CTNND2: variants seen among roughly 807,000 people sequenced by gnomAD.
CTNND2 encodes the protein catenin delta 2.
Under a neutral mutation model 144.4 loss-of-function variants are expected in CTNND2, and 22 were observed. That is an observed-to-expected ratio of 0.15 (90% CI 0.11 to 0.22). The LOEUF (loss-of-function observed/expected upper bound fraction) is 0.22, where lower values mean the gene tolerates loss of function less well. Ranked by LOEUF, CTNND2 falls within the 10% of genes least tolerant of loss-of-function variation. CTNND2 has a pLI of 1.00. For synonymous variants in CTNND2, 751 were observed against 695.6 expected (o/e 1.08, Z -1.25); for missense variants, 1,353 against 1,618.8 (o/e 0.84, Z 2.82).
rs370552506 is a variant in CTNND2 at position 11,693,020 on chromosome 5, C to G, written c.174+39116G>C. Among the ~76,000 whole-genome samples, 63 of 152,334 alleles carry G rather than the reference C, an allele frequency of 4.1e-4. 1 individual carries two copies. The Middle Eastern group carries it at 0.01, about 25-fold the overall frequency. On this transcript the variant is annotated intron_variant, in intron 2 of 21. Transcript: ENST00000304623. ...ATTTCTTCAAAGTTTAGTCCTAAAA[C>G]ACATCTGGGTTGTCAATTTTCATAT... is the stretch of plus-strand genomic sequence containing the variant.
intron 1 of CTNND2, among the ~76,000 whole-genome samples, chr5:11,790,701 A>G (rs530748475): frequency 1.3e-5 from 2 of 152,334 alleles, no homozygotes; most frequent in East Asian, 1.9e-4. Flanking sequence ...TATCACTCAT[A>G]AAAGAAATGT....
At chr5:11,219,888 A>T (rs1405742339) in intron 10 of CTNND2, among the ~76,000 whole-genome samples, 1 of 152,144 alleles carries the variant, frequency 6.6e-6, no homozygotes, top group Non-Finnish European at 1.5e-5. Flanking sequence ...CAATTTCAGT[A>T]TCTCTTAGAA....
chr5:11,812,243 C>T (rs768296351), intron 1 of CTNND2, among the ~76,000 whole-genome samples: 2 of 152,144 alleles, frequency 1.3e-5, no homozygotes, highest in Non-Finnish European at 2.9e-5. Context: ...AGAGGTACTG[C>T]TTTTTCTTGC....
chr5:11,879,112 G>A (rs1735780829), intron 1 of CTNND2, among the ~76,000 whole-genome samples: 1 of 151,886 alleles, frequency 6.6e-6, no homozygotes, highest in Admixed American at 6.6e-5. Flanking sequence ...TGGCACCGCA[G>A]AACATGATTG....
At chr5:11,431,755 T>C (rs1053856710) in intron 3 of CTNND2, among the ~76,000 whole-genome samples, 9 of 151,700 alleles carry the variant, frequency 5.9e-5, no homozygotes, top group African/African-American at 2.2e-4. Flanking sequence ...CCATATGGAG[T>C]AAAAGAACCA....
intron 9 of CTNND2, among the ~76,000 whole-genome samples, chr5:11,296,872 T>C (rs1749079037): frequency 1.3e-5 from 2 of 152,134 alleles, no homozygotes; most frequent in Non-Finnish European, 2.9e-5. Flanking sequence ...TTAGGAGATA[T>C]ACCTAATGTT....
In CTNND2 at chr5:11,737,227, G is replaced by A. The variant is rs116347689; in HGVS notation, c.38-4955C>T. Among the ~76,000 whole-genome samples the A allele has an allele frequency of 2.2e-3, 340 of 152,214 alleles. 1 individual carries two copies. Among genetic ancestry groups the A allele is most frequent in the Non-Finnish European group, 3.8e-3 (257 of 68,020 alleles). On this transcript the variant is annotated intron_variant, in intron 1 of 21. Transcript: ENST00000304623. ...TACCTCACCACAATGTTAACCACACGGATCTCCATTATCCTCTCAGGCTTT... is the reference window on the plus strand; with the variant it reads ...TACCTCACCACAATGTTAACCACACAGATCTCCATTATCCTCTCAGGCTTT...
intron 9 of CTNND2, among the ~76,000 whole-genome samples, chr5:11,248,280 T>C (rs1743209218): frequency 1.3e-5 from 2 of 152,020 alleles, no homozygotes; most frequent in Admixed American, 1.3e-4. Flanking sequence ...CAGGATTAGA[T>C]TAAGAATTTG....
At chr5:11,360,886 CA>C (rs1756379973) in intron 8 of CTNND2, among the ~76,000 whole-genome samples, 1 of 152,148 alleles carries the variant, frequency 6.6e-6, no homozygotes, top group Non-Finnish European at 1.5e-5. Flanking sequence ...TATTATTTAA[CA>C]GGATATAGAA....
At chr5:11,885,600 A>T (rs561925762) in intron 1 of CTNND2, among the ~76,000 whole-genome samples, 1 of 152,202 alleles carries the variant, frequency 6.6e-6, no homozygotes, top group East Asian at 1.9e-4. Context: ...ATAATTCAAC[A>T]GTCTACTTTC....
At chr5:11,823,327 G>T (rs1297525031) in intron 1 of CTNND2, among the ~76,000 whole-genome samples, 4 of 152,306 alleles carry the variant, frequency 2.6e-5, no homozygotes, top group Middle Eastern at 3.4e-3. Flanking sequence ...GATTTGTGCT[G>T]GGTGTGCGTT....
At chr5:11,310,277 C>T (rs2150048252) in intron 9 of CTNND2, among the ~76,000 whole-genome samples, 1 of 152,152 alleles carries the variant, frequency 6.6e-6, no homozygotes, top group Non-Finnish European at 1.5e-5. Context: ...ATCCTCAGTG[C>T]TGTGCACAGG....
intron 16 of CTNND2, among the ~76,000 whole-genome samples, chr5:11,050,782 T>C (rs1255975425): frequency 6.6e-6 from 1 of 152,224 alleles, no homozygotes; most frequent in African/African-American, 2.4e-5. Flanking sequence ...ACGTGATTCA[T>C]AAATGAAAGC....
chr5:11,781,175 G>A (rs13355170), intron 1 of CTNND2, among the ~76,000 whole-genome samples: 14,524 of 151,950 alleles, frequency 0.096, 1,875 homozygotes, highest in African/African-American at 0.29. Flanking sequence ...ATCTCACCCC[G>A]CAGCAAGCAA....
intron 3 of CTNND2, among the ~76,000 whole-genome samples, chr5:11,487,554 C>T (rs1317227870): frequency 1.3e-5 from 2 of 152,124 alleles, no homozygotes; most frequent in Non-Finnish European, 2.9e-5. Context: ...TGGCATGTGG[C>T]AGTCAGAGTG....
At chr5:11,328,256 C>T (rs1056446965) in intron 9 of CTNND2, among the ~76,000 whole-genome samples, 7 of 151,480 alleles carry the variant, frequency 4.6e-5, no homozygotes, top group African/African-American at 7.3e-5. Flanking sequence ...ATGTGTTGAA[C>T]TGCATGTTAA....
intron 12 of CTNND2, among the ~76,000 whole-genome samples, chr5:11,137,142 C>T (rs115554666): frequency 1.7e-3 from 264 of 152,310 alleles, no homozygotes; most frequent in Non-Finnish European, 2.7e-3. Flanking sequence ...TATCTCTAAT[C>T]CAATTCCATA....
intron 3 of CTNND2, among the ~76,000 whole-genome samples, chr5:11,546,847 T>A (rs1436028910): frequency 6.6e-6 from 1 of 152,098 alleles, no homozygotes; most frequent in Admixed American, 6.5e-5. Context: ...ACAAGGCAGA[T>A]ATGGCATTAA....
chr5:11,667,763 A>G (rs1184489112), intron 2 of CTNND2, among the ~76,000 whole-genome samples: 1 of 152,108 alleles, frequency 6.6e-6, no homozygotes, highest in Non-Finnish European at 1.5e-5. Context: ...GAGGCTCTTT[A>G]GTTTAATTAG....
Sources: gnomAD v4.1 joint callset for allele counts (sites outside exome capture counted in the v4.1 genomes callset) on GRCh38, gnomAD v4.1.1 for gene constraint, MANE v1.5 for transcripts, NCBI Gene and HGNC (gene_info 2026-07-23, HGNC 2026-07-21) for gene names.